The following AQR variants were observed in gnomAD, a reference collection of about 807,000 sequenced individuals.
The protein encoded by AQR is aquarius intron-binding spliceosomal factor, also known as RNA helicase aquarius.
In AQR, 61 loss-of-function variants were observed where a neutral mutation model predicts 180.5. The ratio of observed to expected loss-of-function variants is 0.34; its 90% CI spans 0.28 to 0.42. AQR has a LOEUF of 0.42. Among genes scored for constraint, AQR ranks in the 10% least tolerant of loss-of-function variants. AQR has a pLI of 1.00. For missense variants in AQR, 1,281 were observed against 1,798.3 expected (o/e 0.71, Z 5.20); for synonymous variants, 551 against 588.8 (o/e 0.94, Z 0.93).
At chr15:34,896,471 T>G (rs1893245997) in intron 22 of AQR, among the ~76,000 whole-genome samples, 1 of 151,964 alleles carries the variant, frequency 6.6e-6, no homozygotes, top group Non-Finnish European at 1.5e-5. Context: ...ACGCTTAAAT[T>G]CAGCGGGGTT....
At chr15:34,944,482 T>C in intron 5 of AQR, 54 bp from the exon 6 acceptor site, 1 of 1,515,890 alleles carries the variant, frequency 6.6e-7, no homozygotes, top group Non-Finnish European at 8.8e-7. Flanking sequence ...ACTTAAGCTT[T>C]AAAGAAGCCC....
At position 34,943,105 on chromosome 15, in the gene AQR, G is replaced by C. The variant is rs778911714; in HGVS notation, c.472-1025C>G. 3.1e-6 allele frequency: 5 copies of C among 1,611,610 alleles called. No homozygotes were observed. The Admixed American group carries it at 8.3e-5, about 27-fold the overall frequency. On this transcript the variant is annotated intron_variant, in intron 6 of 34. Coordinates refer to ENST00000156471, the MANE Select transcript of AQR (RefSeq NM_014691.3). ...ATGGTTAACGTCCCTAAAACCCGCC[G>C]GACTTTCTGTAAGAAGTGTGGCAAG...
rs893835384 is a variant in AQR, at chr15:34,969,706, G to A, written c.-93C>T. On this transcript the variant is annotated 5_prime_UTR_variant, in exon 1 of 35. Coordinates refer to ENST00000156471, the MANE Select transcript of AQR (RefSeq NM_014691.3). ...ACTTCCCTTAAGTTACTGCCGGGGC[G>A]CTTAACTCCGCGCCGCACAAACGCT... 2.1e-5 allele frequency: 27 copies of A among 1,281,874 alleles called. No homozygotes were observed. In the African/African-American group the frequency reaches 2.7e-4, roughly 13 times the overall value. The allele number at this position is 1,281,874 out of a possible 1,614,324, so 79.4% of individuals were successfully genotyped here. A position where few individuals can be genotyped will look rare whatever the true frequency, so the allele number is the denominator to read the frequency against.
chr15:34,949,425 A>T (rs79789759), intron 4 of AQR, among the ~76,000 whole-genome samples: 18,660 of 151,464 alleles, frequency 0.12, 1,382 homozygotes, highest in East Asian at 0.3. Context: ...CCTGGCCAAC[A>T]TGGTGAAACC....
In AQR at chr15:34,940,938, T is replaced by G. The variant is rs1894013349; in HGVS notation, c.602A>C (p.Lys201Thr). 6.2e-7 allele frequency: 1 copy of G among 1,610,768 alleles called. No individual in the cohort carries two copies. Among genetic ancestry groups the G allele is most frequent in the African/African-American group, 1.3e-5 (1 of 74,850 alleles). The change falls in exon 8 of 35, where the codon AAA becomes ACA. Residue 201 changes from lysine (K) to threonine (T), a missense_variant. Transcript: ENST00000156471. ...PKLRKFWNLI[K>T]KNDEKMDPEA... The stretch of plus-strand genomic sequence containing the variant: ...TGGATCCATCTTTTCATCATTCTTT[T>G]TAATCAAGTTCCAGAATTTTCTTAG...
rs970119250 is a variant in AQR, at chr15:34,856,785, A to C, written c.*7T>G. On this transcript the variant is annotated 3_prime_UTR_variant, in exon 35 of 35. Coordinates refer to ENST00000156471, the MANE Select transcript of AQR (RefSeq NM_014691.3). Reference sequence around the variant, plus strand: ...CCATGTCCTCCTTTAGAAGGACTACAGTTTGGCTACTTGGTCTCTTCCGGG... The same window carrying C: ...CCATGTCCTCCTTTAGAAGGACTACCGTTTGGCTACTTGGTCTCTTCCGGG... 13 of 1,518,724 alleles carry C rather than the reference A, an allele frequency of 8.6e-6. No individual in the cohort carries two copies. The highest frequency in any genetic ancestry group is 1.1e-5 in the Non-Finnish European group (12 of 1,134,104). 94.1% of individuals were successfully genotyped at this position (1,518,724 alleles called of 1,614,324 possible).
intron 17 of AQR, among the ~76,000 whole-genome samples, chr15:34,908,558 T>C (rs1455785484): frequency 6.6e-6 from 1 of 152,174 alleles, no homozygotes; most frequent in Admixed American, 6.5e-5. Flanking sequence ...ATAAAACACT[T>C]TTCTCTCCAT....
Position 34,873,868 on chromosome 15 carries a change from T to C in AQR, c.3557A>G (p.Gln1186Arg). The C allele has an allele frequency of 6.2e-7, 1 of 1,607,156 alleles. No individual in the cohort carries two copies. The highest frequency in any genetic ancestry group is 8.5e-7 in the Non-Finnish European group (1 of 1,176,180). ...DFQLINVEDF[Q>R]GVGESEPNPY... is the part of the protein sequence containing the mutation. ...ATTAGGTTCAGATTCTCCCACTCCT[T>C]GAAAATCTTCAACATTAATGAGCTG... Residue 1186 changes from glutamine (Q) to arginine (R), a missense_variant, in exon 30 of 35, where the codon CAA (glutamine) becomes CGA (arginine). Gln to Arg is a conservative substitution (Grantham distance 43). This residue lies in a region of AQR where 197 missense variants were observed against 320.7 expected (regional missense o/e 0.61). Transcript: ENST00000156471.
intron 33 of AQR, 80 bp from the exon 34 acceptor site, chr15:34,860,235 A>C: frequency 1.7e-6 from 1 of 597,002 alleles, no homozygotes. Flanking sequence ...CCCATTTCTT[A>C]ATCTTATGAA....
At chr15:34,862,465 T>C (rs149010630) in intron 33 of AQR, among the ~76,000 whole-genome samples, 1 of 152,266 alleles carries the variant, frequency 6.6e-6, no homozygotes, top group East Asian at 1.9e-4. Flanking sequence ...TAATAGGCTG[T>C]TTTTACTGAG....
intron 12 of AQR, 62 bp downstream of exon 12, chr15:34,930,196 C>T: frequency 1.0e-6 from 1 of 1,001,068 alleles, no homozygotes; most frequent in East Asian, 2.4e-5. Context: ...CTATACAAAA[C>T]CTAAATTGCA....
chr15:34,940,638 T>C (rs918482158), intron 8 of AQR, among the ~76,000 whole-genome samples: 4 of 152,054 alleles, frequency 2.6e-5, no homozygotes, highest in African/African-American at 9.7e-5. Context: ...AGACGGACAA[T>C]AGGCAGGGAG....
At chr15:34,925,707 C>G (rs186471624) in intron 13 of AQR, among the ~76,000 whole-genome samples, 379 of 151,428 alleles carry the variant, frequency 2.5e-3, no homozygotes, top group African/African-American at 8.8e-3. Flanking sequence ...GTGGCGTGTG[C>G]CTGTAGTCCC....
chr15:34,938,938 A>T lies in AQR; in HGVS notation c.642-125T>A, dbSNP rs994420392. The T allele has an allele frequency of 4.3e-5, 28 of 645,286 alleles. No individual in the cohort carries two copies. The African/African-American group carries it at 4.9e-4, about 11-fold the overall frequency. 40.0% of individuals were successfully genotyped at this position (645,286 alleles called of 1,614,324 possible). ...TTCATTTCTTTGTGAAGCTGGGACT[A>T]TAACTTCAATATACAGCTTCTTCTT... On this transcript the variant is annotated intron_variant, in intron 8 of 34. Coordinates refer to ENST00000156471, the MANE Select transcript of AQR (RefSeq NM_014691.3).
At chr15:34,941,869 C>T in intron 7 of AQR, 143 bp downstream of exon 7, 1 of 440,626 alleles carries the variant, frequency 2.3e-6, no homozygotes, top group East Asian at 3.6e-5. Context: ...AAAACTATAT[C>T]TATGAAAAGT....
At position 34,920,368 on chromosome 15, in the gene AQR, G is replaced by C. The variant is rs769767038; in HGVS notation, c.1185C>G (p.Asp395Glu). 1.2e-6 allele frequency: 2 copies of C among 1,613,172 alleles called. No homozygotes were observed. The highest frequency in any genetic ancestry group is 4.5e-5 in the East Asian group (2 of 44,824). ...CLLPTLPKNE[D>E]TTFDKEFLLE... is the part of the protein sequence containing the mutation. ...GAAGAAATTCTTTATCAAAAGTTGT[G>C]TCTTCATTTTTAGGAAGAGTTGGCA... The change falls in exon 14 of 35, where the codon GAC becomes GAG. Residue 395 changes from aspartate (D) to glutamate (E), a missense_variant. This residue lies in a region of AQR where 404 missense variants were observed against 490.9 expected (regional missense o/e 0.82). Coordinates refer to ENST00000156471, the MANE Select transcript of AQR (RefSeq NM_014691.3).
intron 32 of AQR, among the ~76,000 whole-genome samples, chr15:34,864,615 G>A (rs1225108428): frequency 1.3e-5 from 2 of 152,102 alleles, no homozygotes; most frequent in African/African-American, 2.4e-5. Flanking sequence ...AATGTTGTTA[G>A]GAGGAAAAAG....
intron 5 of AQR, among the ~76,000 whole-genome samples, chr15:34,946,431 G>GAGGT (rs1894116120): frequency 6.6e-5 from 1 of 15,154 alleles, no homozygotes; most frequent in African/African-American, 1.1e-4. Flanking sequence ...GGAGGGAGGT[G>GAGGT]GGGGGGGTCA....
Position 34,933,209 on chromosome 15 carries a change from G to A in AQR, c.784-775C>T, listed in dbSNP as rs369043214. On this transcript the variant is annotated intron_variant, in intron 10 of 34. Transcript: ENST00000156471. Reference sequence around the variant, plus strand: ...CAAATATCCTCATTTTATAGATGAAGTTATTGAGATCCTCAGAAGTTAGAA... The same window carrying A: ...CAAATATCCTCATTTTATAGATGAAATTATTGAGATCCTCAGAAGTTAGAA... Among the ~76,000 whole-genome samples the A allele has an allele frequency of 3.3e-5, 5 of 152,144 alleles. No homozygotes were observed. The East Asian group carries it at 9.6e-4, about 29-fold the overall frequency.
Sources: gnomAD v4.1 joint callset for allele counts (sites outside exome capture counted in the v4.1 genomes callset) on GRCh38, gnomAD v4.1.1 for gene constraint, gnomAD v4.1.1 regional missense constraint, MANE v1.5 for transcripts, NCBI Gene and HGNC (gene_info 2026-07-23, HGNC 2026-07-21) for gene names.